TDP1: variants seen among roughly 807,000 people sequenced by gnomAD.
TDP1 encodes tyr-DNA phosphodiesterase 1.
TDP1 carries 64 observed loss-of-function variants against 81.5 expected under a neutral mutation model. The ratio of observed to expected loss-of-function variants is 0.79; its 90% CI spans 0.64 to 0.97. The LOEUF is 0.97. Among genes scored for constraint, TDP1 ranks in the 50% least tolerant of loss-of-function variants. The pLI is 0.00. For missense variants in TDP1, 723 were observed against 743.8 expected, an observed-to-expected ratio of 0.97 and a Z score of 0.33; for synonymous variants, 256 against 264.3, an observed-to-expected ratio of 0.97 and a Z score of 0.30.
intron 14 of TDP1, among the ~76,000 whole-genome samples, chr14:90,007,218 G>A (rs1280135153): frequency 6.6e-6 from 1 of 152,048 alleles, no homozygotes; most frequent in Admixed American, 6.6e-5. Context: ...CTGGCAATAA[G>A]CTCTTATTTG....
At position 89,955,946 on chromosome 14, in the gene TDP1, C is replaced by T. The variant is rs993159203; in HGVS notation, c.-255C>T. 1 of 152,368 alleles carries T rather than the reference C, an allele frequency of 6.6e-6. No homozygotes were observed. The highest frequency in any genetic ancestry group is 1.5e-5 in the Non-Finnish European group (1 of 68,144). The allele number at this position is 152,368 out of a possible 1,614,324, so 9.4% of individuals were successfully genotyped here. A position where few individuals can be genotyped will look rare whatever the true frequency, so the allele number is the denominator to read the frequency against. ...GCCGCCGAAGGGGCGGGATCCGAGGCAAGCGTTGGTTCTGTGCGCCTCAGG... is the reference window on the plus strand; with the variant it reads ...GCCGCCGAAGGGGCGGGATCCGAGGTAAGCGTTGGTTCTGTGCGCCTCAGG... On this transcript the variant is annotated 5_prime_UTR_variant, in exon 1 of 17. Transcript: ENST00000335725.
At chr14:90,017,159 C>T (rs1440921822) in intron 14 of TDP1, among the ~76,000 whole-genome samples, 3 of 151,964 alleles carry the variant, frequency 2.0e-5, no homozygotes, top group Non-Finnish European at 4.4e-5. Context: ...CCTGTGGTGT[C>T]GCTGTGCCTC....
chr14:90,031,010 T>A (rs140599032), intron 15 of TDP1, among the ~76,000 whole-genome samples: 5,946 of 152,098 alleles, frequency 0.039, 389 homozygotes, highest in African/African-American at 0.13. Context: ...GGACCTCAAG[T>A]GATCTGCCTG....
At chr14:90,002,754 T>C (rs1203567793) in intron 14 of TDP1, among the ~76,000 whole-genome samples, 1 of 149,144 alleles carries the variant, frequency 6.7e-6, no homozygotes, top group Non-Finnish European at 1.5e-5. Flanking sequence ...GCGCCTGCAG[T>C]CCCAGCTACT....
At chr14:89,984,830 C>A in intron 9 of TDP1, 147 bp downstream of exon 9, 1 of 1,561,268 alleles carries the variant, frequency 6.4e-7, no homozygotes, top group East Asian at 2.3e-5. Flanking sequence ...CAGATTCTAT[C>A]ACATCTGTAT....
chr14:89,966,418 G>A (rs1048275479), intron 4 of TDP1, among the ~76,000 whole-genome samples: 3 of 152,278 alleles, frequency 2.0e-5, no homozygotes, highest in African/African-American at 4.8e-5. Context: ...GTCAGCCTCC[G>A]CTGGCCAAGA....
At chr14:90,040,953 G>A (rs1369423143) in intron 16 of TDP1, among the ~76,000 whole-genome samples, 2 of 152,180 alleles carry the variant, frequency 1.3e-5, no homozygotes, top group Non-Finnish European at 1.5e-5. Context: ...CCAACAGAGT[G>A]GTTACCAGGT....
chr14:90,006,904 T>TG (rs778867256), intron 14 of TDP1, among the ~76,000 whole-genome samples: 15 of 152,302 alleles, frequency 9.8e-5, no homozygotes, highest in Non-Finnish European at 2.1e-4. Flanking sequence ...AGGTTGCTGT[T>TG]GAACTCCTGA....
intron 15 of TDP1, among the ~76,000 whole-genome samples, chr14:90,023,678 C>G (rs1392326522): frequency 1.3e-5 from 2 of 152,096 alleles, no homozygotes; most frequent in Non-Finnish European, 2.9e-5. Context: ...TCACCTCACT[C>G]TCTTGGCACG....
At chr14:90,030,455 G>A (rs1887153489) in intron 15 of TDP1, among the ~76,000 whole-genome samples, 1 of 152,160 alleles carries the variant, frequency 6.6e-6, no homozygotes, top group Admixed American at 6.5e-5. Flanking sequence ...ACTAGAAGAA[G>A]GGCACTTCTT....
Position 89,981,417 on chromosome 14 carries a change from G to A in TDP1, c.884+785G>A, listed in dbSNP as rs568045967. 5.5e-4 allele frequency: 249 copies of A among 451,226 alleles called. 4 individuals are homozygous for A. The highest frequency in any genetic ancestry group is 3.9e-3 in the South Asian group (246 of 63,078). The allele number at this position is 451,226 out of a possible 1,614,324, so 28.0% of individuals were successfully genotyped here. A position where few individuals can be genotyped will look rare whatever the true frequency, so the allele number is the denominator to read the frequency against. On this transcript the variant is annotated intron_variant, in intron 8 of 16. Transcript: ENST00000335725. ...TTTAGGGATTTGCTCAACAAGTTCA[G>A]CTATTGTTCTTGATTATGACTAACT...
At chr14:89,989,131 C>T in intron 11 of TDP1, 41 bp downstream of exon 11, 1 of 1,555,700 alleles carries the variant, frequency 6.4e-7, no homozygotes, top group Non-Finnish European at 8.8e-7. Flanking sequence ...CTTTTATTCT[C>T]TACACAGGAG....
At chr14:89,968,348 C>T (rs1893194321) in intron 5 of TDP1, among the ~76,000 whole-genome samples, 1 of 152,160 alleles carries the variant, frequency 6.6e-6, no homozygotes, top group Admixed American at 6.5e-5. Flanking sequence ...CTTTCTGTTC[C>T]ACCATCCTTG....
At chr14:90,002,734 T>A (rs73328409) in intron 14 of TDP1, among the ~76,000 whole-genome samples, 5 of 148,274 alleles carry the variant, frequency 3.4e-5, no homozygotes, top group African/African-American at 1.2e-4. Flanking sequence ...CGGGGGATGC[T>A]TGGTGGTGTG....
intron 14 of TDP1, among the ~76,000 whole-genome samples, chr14:89,999,527 C>T (rs1395338264): frequency 6.6e-6 from 1 of 152,082 alleles, no homozygotes; most frequent in Non-Finnish European, 1.5e-5. Context: ...TATTACTGAT[C>T]CGTATTAATG....
chr14:89,970,784 T>C, intron 5 of TDP1: 2 of 957,672 alleles, frequency 2.1e-6, no homozygotes, highest in Non-Finnish European at 1.2e-6. Flanking sequence ...GAAGCTAGCA[T>C]TCCTTAATGA....
In TDP1 at chr14:89,975,771, T is replaced by C; in HGVS notation, c.757-10T>C. ...TTGTTTTTAAATAAATGACTTCTTT[T>C]TCATCCTAGGCAAAGTTGGATATTG... On this transcript the variant is annotated splice_polypyrimidine_tract_variant and intron_variant, in intron 6 of 16. Coordinates refer to ENST00000335725, the MANE Select transcript of TDP1 (RefSeq NM_018319.4). The C allele has an allele frequency of 6.2e-7, 1 of 1,611,048 alleles. No homozygotes were observed. The highest frequency in any genetic ancestry group is 2.2e-5 in the East Asian group (1 of 44,860).
chr14:89,969,776 GTGAT>G (rs1336437812), intron 5 of TDP1, among the ~76,000 whole-genome samples: 1 of 152,006 alleles, frequency 6.6e-6, no homozygotes, highest in Non-Finnish European at 1.5e-5. Context: ...ATTCTGCAGT[GTGAT>G]TGATAAATGT....
At chr14:90,012,649 G>A (rs1224982634) in intron 14 of TDP1, among the ~76,000 whole-genome samples, 2 of 152,068 alleles carry the variant, frequency 1.3e-5, no homozygotes, top group East Asian at 3.9e-4. Flanking sequence ...CTCTGCTAGG[G>A]CAGTGCAGAA....
Sources: allele counts gnomAD v4.1 joint callset (sites outside exome capture counted in the v4.1 genomes callset), GRCh38; gene constraint gnomAD v4.1.1; transcripts MANE v1.5; gene names NCBI Gene and HGNC (gene_info 2026-07-23, HGNC 2026-07-21).